Variants in MTSS2 observed in about 807,000 individuals in gnomAD.
The protein encoded by MTSS2 is protein MTSS 2.
Under a neutral mutation model 67.1 loss-of-function variants are expected in MTSS2, and 27 were observed. The observed-to-expected ratio is 0.40, with a 90% confidence interval of 0.30 to 0.55. The LOEUF (loss-of-function observed/expected upper bound fraction) is 0.55, where lower values mean the gene tolerates loss of function less well. MTSS2 is among the 20% of genes least tolerant of loss of function. MTSS2 has a pLI of 0.43. For synonymous variants in MTSS2, 624 were observed against 468.6 expected, an observed-to-expected ratio of 1.33 and a Z score of -4.28; for missense variants, 1,171 against 1,067.8, an observed-to-expected ratio of 1.10 and a Z score of -1.35.
At chr16:70,666,483 G>T (rs917844522) in intron 11 of MTSS2, among the ~76,000 whole-genome samples, 1 of 152,236 alleles carries the variant, frequency 6.6e-6, no homozygotes, top group Non-Finnish European at 1.5e-5. Context: ...TGGGGCAGAC[G>T]CCAGCTTCAG....
rs754236676 is a variant in MTSS2, at chr16:70,680,072, G to A, written c.206-17C>T. On this transcript the variant is annotated splice_polypyrimidine_tract_variant and intron_variant, in intron 3 of 14. Transcript: ENST00000338779. ...TCGTGGCCCCTGGCGAGGCAAGCGC[G>A]GGGTGGGAAGGGGCCCGCTGGGGCC... The A allele has an allele frequency of 2.0e-6, 3 of 1,483,332 alleles. No individual in the cohort carries two copies. The highest frequency in any genetic ancestry group is 2.7e-6 in the Non-Finnish European group (3 of 1,123,396). 91.9% of individuals were successfully genotyped at this position (1,483,332 alleles called of 1,614,324 possible).
intron 2 of MTSS2, 46 bp downstream of exon 2, chr16:70,680,918 G>GGGCCCCCCCC: frequency 5.5e-6 from 6 of 1,096,046 alleles, no homozygotes; most frequent in South Asian, 1.3e-5. Flanking sequence ...CGGGGGGGGG[G>GGGCCCCCCCC]CCTCTGCCTG....
Position 70,676,937 on chromosome 16 carries a change from G to A in MTSS2, c.774C>T (p.Tyr258=). Residue 258 remains tyrosine (Y), a synonymous_variant, in exon 10 of 15, where the codon TAC becomes TAT. Coordinates refer to ENST00000338779, the MANE Select transcript of MTSS2 (RefSeq NM_138383.3). ...DLKGSDYSWS[Y]QTPPSSPSSS... is the part of the protein sequence containing the mutation. ...TGCTGGGTGATGAGGGTGGGGTCTG[G>A]TAGGACCAGCTGTAGTCCGAGCCCT... 6.2e-7 allele frequency: 1 copy of A among 1,613,960 alleles called. No homozygotes were observed. Among genetic ancestry groups the A allele is most frequent in the Non-Finnish European group, 8.5e-7 (1 of 1,179,988 alleles).
Position 70,679,688 on chromosome 16 carries a change from C to A in MTSS2, c.399G>T (p.Arg133=). Residue 133 remains arginine, a synonymous_variant, in exon 6 of 15, where the codon CGG becomes CGT. Coordinates refer to ENST00000338779, the MANE Select transcript of MTSS2 (RefSeq NM_138383.3). ...CCGACGACTTCTTTTTGATCTCATG[C>A]CGGGCTCGTTTGTACTCTGCAGAAG... ...KDHAKEYKRA[R]HEIKKKSSDT... 1 of 1,611,176 alleles carries A rather than the reference C, an allele frequency of 6.2e-7. No individual in the cohort carries two copies. The highest frequency in any genetic ancestry group is 2.2e-5 in the East Asian group (1 of 44,808).
At chr16:70,664,470 G>C in intron 14 of MTSS2, 21 bp from the exon 15 acceptor site, 1 of 1,539,834 alleles carries the variant, frequency 6.5e-7, no homozygotes, top group East Asian at 2.3e-5. Context: ...GGGACACAGT[G>C]AGGCCCAGGG....
chr16:70,664,791 C>A (rs2052639417), intron 13 of MTSS2, 28 bp from the exon 14 acceptor site: 2 of 1,579,786 alleles, frequency 1.3e-6, no homozygotes, highest in Non-Finnish European at 1.7e-6. Flanking sequence ...CAGGCTGAAG[C>A]CTTGCGCCCC....
intron 11 of MTSS2, chr16:70,665,882 T>C (rs756050358): frequency 4.1e-5 from 9 of 217,508 alleles, no homozygotes; most frequent in Non-Finnish European, 7.3e-5. Context: ...GTCTGAGCAG[T>C]TGGGTTGATG....
chr16:70,663,921 AGCTGCT>A lies in MTSS2; in HGVS notation c.1994_1999del (p.Gln665_Gln666del). ...CACCAGGCTGTGCCGGTTGGCCGCC[AGCTGCT>A]GCTGCTCGTCCTCGGCCCCTGCCCC... is the stretch of plus-strand genomic sequence containing the variant. On this transcript the variant is annotated inframe_deletion, in exon 15 of 15. Coordinates refer to ENST00000338779, the MANE Select transcript of MTSS2 (RefSeq NM_138383.3). 1 of 1,552,126 alleles carries A rather than the reference AGCTGCT, an allele frequency of 6.4e-7. No homozygotes were observed. Among genetic ancestry groups the A allele is most frequent in the African/African-American group, 1.4e-5 (1 of 73,658 alleles).
In MTSS2 at chr16:70,664,284, C is replaced by G. The variant is rs759797459; in HGVS notation, c.1637G>C (p.Gly546Ala). 6.4e-7 allele frequency: 1 copy of G among 1,561,850 alleles called. No individual in the cohort carries two copies. ...GGGCAGGCCAGTGGCCGTGGGCAGC[C>G]CCGCGGTGGGCAGCCCAGCAGTGGA... ...PASTAGLPTA[G>A]LPTATGLPSG... Residue 546 changes from glycine to alanine, a missense_variant, in exon 15 of 15, where the codon GGG becomes GCG. Gly to Ala is a moderately conservative substitution (Grantham distance 60). Coordinates refer to ENST00000338779, the MANE Select transcript of MTSS2 (RefSeq NM_138383.3).
At chr16:70,685,687 G>A in intron 1 of MTSS2, 36 bp downstream of exon 1, 3 of 1,244,228 alleles carry the variant, frequency 2.4e-6, no homozygotes, top group South Asian at 2.0e-5. Context: ...TCCCGCACCC[G>A]TCGCCGCGCG....
chr16:70,664,184 G>A lies in MTSS2; in HGVS notation c.1737C>T (p.Ser579=), dbSNP rs984970024. 2.5e-6 allele frequency: 4 copies of A among 1,602,428 alleles called. No homozygotes were observed. Among genetic ancestry groups the A allele is most frequent in the Non-Finnish European group, 3.4e-6 (4 of 1,178,280 alleles). Reference sequence around the variant, plus strand: ...GCCGGATGGGGATGGGGCCAGCGCTGGACAGGGCGCGGCGCACGGTGGGCT... The same window carrying A: ...GCCGGATGGGGATGGGGCCAGCGCTAGACAGGGCGCGGCGCACGGTGGGCT... ...STKPTVRRAL[S]SAGPIPIRPP... is the part of the protein sequence containing the mutation. Residue 579 remains serine (S), a synonymous_variant, in exon 15 of 15, where the codon TCC becomes TCT. Coordinates refer to ENST00000338779, the MANE Select transcript of MTSS2 (RefSeq NM_138383.3).
intron 11 of MTSS2, among the ~76,000 whole-genome samples, chr16:70,671,689 C>T (rs1487305227): frequency 6.6e-6 from 1 of 152,146 alleles, no homozygotes; most frequent in African/African-American, 2.4e-5. Flanking sequence ...TCAAAAGTAT[C>T]CCCTCACAGG....
chr16:70,671,518 TGGG>T (rs966706336), intron 11 of MTSS2, among the ~76,000 whole-genome samples: 4 of 151,890 alleles, frequency 2.6e-5, no homozygotes, highest in African/African-American at 9.7e-5. Flanking sequence ...TATAAATAAA[TGGG>T]GGAGAAGGGA....
At chr16:70,669,584 G>C (rs1057264391) in intron 11 of MTSS2, among the ~76,000 whole-genome samples, 1 of 152,168 alleles carries the variant, frequency 6.6e-6, no homozygotes, top group African/African-American at 2.4e-5. Flanking sequence ...GGGAGGCCAA[G>C]GCGGGCGGAT....
chr16:70,675,695 C>T (rs976086818), intron 10 of MTSS2, among the ~76,000 whole-genome samples: 8 of 152,194 alleles, frequency 5.3e-5, no homozygotes, highest in South Asian at 2.1e-4. Context: ...GGATTACAGG[C>T]GTGAACGACT....
intron 11 of MTSS2, among the ~76,000 whole-genome samples, chr16:70,671,994 G>C (rs1388565463): frequency 6.6e-6 from 1 of 152,188 alleles, no homozygotes; most frequent in Non-Finnish European, 1.5e-5. Context: ...AACAAAGAGG[G>C]ACAGGTGTGA....
At chr16:70,682,484 G>T (rs1373162213) in intron 1 of MTSS2, among the ~76,000 whole-genome samples, 1 of 152,068 alleles carries the variant, frequency 6.6e-6, no homozygotes, top group Non-Finnish European at 1.5e-5. Context: ...AGAGCCAGCT[G>T]CCCTGGCACC....
rs1454986737 is a variant in MTSS2, at chr16:70,663,666, G to A, written c.*11C>T. On this transcript the variant is annotated 3_prime_UTR_variant, in exon 15 of 15. Transcript: ENST00000338779. ...GCACTGGGGCCTGAGAGGATGGGGA[G>A]GGTGGCGCCATCATAAGATGCGGGG... The A allele has an allele frequency of 6.4e-7, 1 of 1,564,312 alleles. No individual in the cohort carries two copies. Among genetic ancestry groups the A allele is most frequent in the East Asian group, 2.3e-5 (1 of 42,938 alleles).
Position 70,663,832 on chromosome 16 carries a change from T to G in MTSS2, c.2089A>C (p.Thr697Pro), listed in dbSNP as rs1016743548. Residue 697 changes from threonine (T) to proline (P), a missense_variant, in exon 15 of 15, where the codon ACT (threonine) becomes CCT (proline). Thr to Pro is a conservative substitution (Grantham distance 38). This residue lies in a region of MTSS2 where 924 missense variants were observed against 756.0 expected (regional missense o/e 1.22). Coordinates refer to ENST00000338779, the MANE Select transcript of MTSS2 (RefSeq NM_138383.3). ...TCCGTGGGGGTGGCCGACAGAGCAG[T>G]GGGGAAGGGGAACTGGCCCTCACCC... ...ALGEGQFPFP[T>P]ALSATPTEET... 4.6e-6 allele frequency: 7 copies of G among 1,518,510 alleles called. No homozygotes were observed. Among genetic ancestry groups the G allele is most frequent in the Non-Finnish European group, 6.2e-6 (7 of 1,133,688 alleles). The allele number at this position is 1,518,510 out of a possible 1,614,324, so 94.1% of individuals were successfully genotyped here.
Sources: gnomAD v4.1 joint callset for allele counts (sites outside exome capture counted in the v4.1 genomes callset) on GRCh38, gnomAD v4.1.1 for gene constraint, gnomAD v4.1.1 regional missense constraint, MANE v1.5 for transcripts, NCBI Gene and HGNC (gene_info 2026-07-23, HGNC 2026-07-21) for gene names.